CLEC16A: variants seen among roughly 807,000 people sequenced by gnomAD.
CLEC16A encodes protein CLEC16A.
In CLEC16A, 51 loss-of-function variants were observed where a neutral mutation model predicts 109.5. That is an observed-to-expected ratio of 0.47 (90% CI 0.37 to 0.59). The LOEUF is 0.59. Ranked by LOEUF, CLEC16A falls within the 20% of genes least tolerant of loss-of-function variation. CLEC16A has a pLI of 0.00. For missense variants in CLEC16A, 1,339 were observed against 1,394.0 expected (o/e 0.96, Z 0.63); for synonymous variants, 673 against 564.2 (o/e 1.19, Z -2.73).
rs148305886 is a variant in CLEC16A, at chr16:11,156,351, C to A, written c.2642-10037C>A. Reference sequence around the variant, plus strand: ...TGCCACTGCACTCCAGCCTGGGTGACAGAGTGAGACTCCATCTCAAAAAAA... The same window carrying A: ...TGCCACTGCACTCCAGCCTGGGTGAAAGAGTGAGACTCCATCTCAAAAAAA... On this transcript the variant is annotated intron_variant, in intron 22 of 23. Transcript: ENST00000409790. 7.4e-3 allele frequency among the ~76,000 whole-genome samples: 1,027 copies of A among 138,030 alleles called. 14 individuals are homozygous for A. Among genetic ancestry groups the A allele is most frequent in the African/African-American group, 0.027 (970 of 36,550 alleles). The allele number at this position is 138,030 out of a possible 152,430, so 90.6% of individuals were successfully genotyped here. A position where few individuals can be genotyped will look rare whatever the true frequency, so the allele number is the denominator to read the frequency against.
intron 23 of CLEC16A, among the ~76,000 whole-genome samples, chr16:11,175,458 C>T (rs2068708842): frequency 6.6e-6 from 1 of 152,202 alleles, no homozygotes; most frequent in Non-Finnish European, 1.5e-5. Context: ...CAAGGCTTCA[C>T]CAGTAACTTT....
At chr16:11,062,644 G>A (rs2048545306) in intron 19 of CLEC16A, among the ~76,000 whole-genome samples, 2 of 152,198 alleles carry the variant, frequency 1.3e-5, no homozygotes, top group South Asian at 4.1e-4. Context: ...CTCAGTGAAT[G>A]AGTATTGTGT....
intron 11 of CLEC16A, among the ~76,000 whole-genome samples, chr16:11,004,728 C>T (rs1340832723): frequency 6.6e-6 from 1 of 152,178 alleles, no homozygotes; most frequent in Non-Finnish European, 1.5e-5. Context: ...ACCATGATCA[C>T]ATTTCAACAA....
intron 22 of CLEC16A, among the ~76,000 whole-genome samples, chr16:11,139,694 G>A (rs2053733929): frequency 6.6e-6 from 1 of 152,212 alleles, no homozygotes; most frequent in East Asian, 1.9e-4. Context: ...TGTTGAGGGT[G>A]AGAAATTCAC....
chr16:10,950,826 G>A (rs2041691871), intron 1 of CLEC16A, among the ~76,000 whole-genome samples: 1 of 152,188 alleles, frequency 6.6e-6, no homozygotes, highest in Admixed American at 6.5e-5. Context: ...ACATTGGGGG[G>A]TAAATTTCTA....
chr16:11,136,707 A>T (rs2053582159), intron 22 of CLEC16A, among the ~76,000 whole-genome samples: 1 of 152,224 alleles, frequency 6.6e-6, no homozygotes, highest in Non-Finnish European at 1.5e-5. Flanking sequence ...CCTCACACAG[A>T]AGAGATCCTG....
At chr16:11,041,935 T>A in intron 14 of CLEC16A, 1 of 262,032 alleles carries the variant, frequency 3.8e-6, no homozygotes, top group African/African-American at 2.2e-5. Flanking sequence ...GACTGGCGGC[T>A]CTCTAAAGGA....
In CLEC16A at chr16:11,172,184, TTACA is replaced by T. The variant is rs1290338427; in HGVS notation, c.2806+5635_2806+5638del. Among the ~76,000 whole-genome samples the T allele has an allele frequency of 2.0e-5, 3 of 151,964 alleles. No individual in the cohort carries two copies. The East Asian group carries it at 5.8e-4, about 29-fold the overall frequency. Reference sequence around the variant, plus strand: ...CACAGTCACACATATACAAATGGACTTACATAGTCACACTCACATACACAGCCAC... The same window carrying T: ...CACAGTCACACATATACAAATGGACTTAGTCACACTCACATACACAGCCAC... On this transcript the variant is annotated intron_variant, in intron 23 of 23. Transcript: ENST00000409790.
In CLEC16A at chr16:11,129,994, C is replaced by A. The variant is rs370212379; in HGVS notation, c.2641+3848C>A. ...AGCCAGGATGGTCTCGATCTCCTGA[C>A]ATTGTGATCCGCCTGTCTCGGCCTC... On this transcript the variant is annotated intron_variant, in intron 22 of 23. Transcript: ENST00000409790. 1.8e-4 allele frequency among the ~76,000 whole-genome samples: 27 copies of A among 152,268 alleles called. No homozygotes were observed. The East Asian group carries it at 3.3e-3, about 19-fold the overall frequency.
intron 19 of CLEC16A, among the ~76,000 whole-genome samples, chr16:11,087,868 G>C (rs2050095203): frequency 6.6e-6 from 1 of 152,242 alleles, no homozygotes; most frequent in African/African-American, 2.4e-5. Flanking sequence ...GCTGGGAGGG[G>C]AGGCCTACCC....
At chr16:10,966,223 A>G (rs1385565137) in intron 3 of CLEC16A, among the ~76,000 whole-genome samples, 1 of 152,250 alleles carries the variant, frequency 6.6e-6, no homozygotes, top group African/African-American at 2.4e-5. Context: ...GGAAAAGGAA[A>G]GAAGGAATGA....
At chr16:11,077,963 A>AGTGTG (rs1567286441) in intron 19 of CLEC16A, among the ~76,000 whole-genome samples, 25 of 122,216 alleles carry the variant, frequency 2.0e-4, no homozygotes, top group African/African-American at 8.4e-4. Context: ...ACAAAAAAAA[A>AGTGTG]CGTGTGTGTG....
intron 11 of CLEC16A, among the ~76,000 whole-genome samples, chr16:11,013,801 T>C (rs1334815812): frequency 1.3e-5 from 2 of 151,832 alleles, no homozygotes; most frequent in Non-Finnish European, 2.9e-5. Context: ...GAGCCGGGCA[T>C]GGTGGCGTAC....
intron 19 of CLEC16A, among the ~76,000 whole-genome samples, chr16:11,088,644 G>A (rs1318148373): frequency 2.0e-5 from 3 of 152,152 alleles, no homozygotes; most frequent in African/African-American, 7.2e-5. Flanking sequence ...CTTCTCCAGA[G>A]AGGGCTGTGA....
chr16:11,095,059 T>G (rs2050525762), intron 19 of CLEC16A, among the ~76,000 whole-genome samples: 2 of 151,932 alleles, frequency 1.3e-5, no homozygotes, highest in Non-Finnish European at 2.9e-5. Flanking sequence ...CCATGACTTG[T>G]TTCTTATTTG....
At chr16:10,955,238 G>A (rs972585121) in intron 1 of CLEC16A, among the ~76,000 whole-genome samples, 7 of 152,220 alleles carry the variant, frequency 4.6e-5, no homozygotes, top group East Asian at 1.9e-4. Context: ...ATGTTCAGTC[G>A]TGTATGCTTT....
intron 22 of CLEC16A, among the ~76,000 whole-genome samples, chr16:11,136,640 A>T (rs952311054): frequency 2.0e-5 from 3 of 152,222 alleles, no homozygotes; most frequent in African/African-American, 7.2e-5. Flanking sequence ...TTTCACAAAG[A>T]CTTTCCCTGG....
intron 19 of CLEC16A, among the ~76,000 whole-genome samples, chr16:11,111,361 G>T (rs375214558): frequency 6.6e-6 from 1 of 152,080 alleles, no homozygotes; most frequent in African/African-American, 2.4e-5. Context: ...TCTCTCTGTG[G>T]GTGTCTCCAT....
Position 11,092,062 on chromosome 16 carries a change from A to G in CLEC16A, c.2117-28553A>G, listed in dbSNP as rs1478105882. On this transcript the variant is annotated intron_variant, in intron 19 of 23. Coordinates refer to ENST00000409790, the MANE Select transcript of CLEC16A (RefSeq NM_015226.3). ...AAACAAGCTCCTTAAAAACACACTT[A>G]GGCCAAGCACAGTGGCTCACGCCTG... Among the ~76,000 whole-genome samples, 3 of 152,166 alleles carry G rather than the reference A, an allele frequency of 2.0e-5. No individual in the cohort carries two copies. The East Asian group carries it at 5.8e-4, about 29-fold the overall frequency.
Sources: allele counts gnomAD v4.1 joint callset (sites outside exome capture counted in the v4.1 genomes callset), GRCh38; gene constraint gnomAD v4.1.1; transcripts MANE v1.5; gene names NCBI Gene and HGNC (gene_info 2026-07-23, HGNC 2026-07-21).